Variants in AGAP1 observed in about 807,000 individuals in gnomAD.
The protein encoded by AGAP1 is ArfGAP with GTPase domain, ankyrin repeat and PH domain 1.
Under a neutral mutation model 105.3 loss-of-function variants are expected in AGAP1, and 29 were observed. The observed-to-expected ratio is 0.28, with a 90% CI of 0.21 to 0.38. AGAP1 has a LOEUF of 0.38. Among genes scored for constraint, AGAP1 ranks in the 10% least tolerant of loss-of-function variants. The pLI, the probability that AGAP1 is intolerant of heterozygous loss-of-function variation, is 1.00. For synonymous variants in AGAP1, 509 were observed against 485.9 expected (o/e 1.05, Z -0.63); for missense variants, 998 against 1,165.1 (o/e 0.86, Z 2.09).
Position 236,012,318 on chromosome 2 carries a change from T to C in AGAP1, c.1646-24243T>C, listed in dbSNP as rs2056542251. 1.3e-5 allele frequency among the ~76,000 whole-genome samples: 2 copies of C among 151,792 alleles called. No homozygotes were observed. Among genetic ancestry groups the C allele is most frequent in the Admixed American group, 1.3e-4 (2 of 15,274 alleles). ...GGGTGCCCAGCCTCCATTCTGCCTA[T>C]TTATATGTAAATATTGCTGCAAGAG... On this transcript the variant is annotated intron_variant, in intron 13 of 17. Coordinates refer to ENST00000304032, the MANE Select transcript of AGAP1 (RefSeq NM_001037131.3). The surrounding 1 kb of genome is among the most constrained non-coding windows in gnomAD (Gnocchi z 4.9).
chr2:235,581,239 A>G (rs965122475), intron 1 of AGAP1, among the ~76,000 whole-genome samples: 11 of 150,138 alleles, frequency 7.3e-5, no homozygotes, highest in Non-Finnish European at 1.2e-4. Flanking sequence ...CCTGGGAGGC[A>G]GAGGTTACAG....
At chr2:236,091,312 G>T (rs2059054294) in intron 16 of AGAP1, among the ~76,000 whole-genome samples, 1 of 152,152 alleles carries the variant, frequency 6.6e-6, no homozygotes. Context: ...AAATCCTGAG[G>T]GTCTCAACTG....
chr2:235,614,501 T>G lies in AGAP1; in HGVS notation c.164-94678T>G, dbSNP rs1946243674. ...GGGAGAGAAAAGGCAAGGAGAAACA[T>G]GGCGAGGGGTGGGGGCTTTGCTCTT... On this transcript the variant is annotated intron_variant, in intron 1 of 17. Transcript: ENST00000304032. The surrounding 1 kb of genome is among the most constrained non-coding windows in gnomAD (Gnocchi z 4.7). Among the ~76,000 whole-genome samples the G allele has an allele frequency of 6.6e-6, 1 of 151,908 alleles. No homozygotes were observed. Among genetic ancestry groups the G allele is most frequent in the African/African-American group, 2.4e-5 (1 of 41,358 alleles).
intron 8 of AGAP1, among the ~76,000 whole-genome samples, chr2:235,802,082 G>A (rs1957521314): frequency 6.6e-6 from 1 of 152,068 alleles, no homozygotes; most frequent in Non-Finnish European, 1.5e-5. Flanking sequence ...AATAAATATT[G>A]ACTTAACATC....
At chr2:235,694,517 A>G (rs909089770) in intron 1 of AGAP1, among the ~76,000 whole-genome samples, 23 of 149,716 alleles carry the variant, frequency 1.5e-4, no homozygotes, top group Non-Finnish European at 1.0e-4. Flanking sequence ...GCATGGTGGC[A>G]GTGCCCTGTA....
chr2:235,500,470 A>G (rs1481948709), intron 1 of AGAP1, among the ~76,000 whole-genome samples: 2 of 152,202 alleles, frequency 1.3e-5, no homozygotes, highest in Admixed American at 1.3e-4. Flanking sequence ...GCATAGCTGT[A>G]AAGGAAAGGC....
rs750337776 is a variant in AGAP1 at position 235,883,304 on chromosome 2, A to G, written c.1051-41A>G. The G allele has an allele frequency of 6.4e-7, 1 of 1,574,676 alleles. No homozygotes were observed. Among genetic ancestry groups the G allele is most frequent in the Non-Finnish European group, 8.7e-7 (1 of 1,149,754 alleles). On this transcript the variant is annotated intron_variant, in intron 9 of 17. Transcript: ENST00000304032. This position sits in a 1 kb window ranked among gnomAD's most constrained non-coding sequence, Gnocchi z 4.5. ...TGTGTACCTGCCTTTTCTTTTTTTT[A>G]TTTACATTAGAATTTCTATTTGGCT...
chr2:235,549,718 A>G lies in AGAP1; in HGVS notation c.163+54869A>G, dbSNP rs1865945. On this transcript the variant is annotated intron_variant, in intron 1 of 17. Coordinates refer to ENST00000304032, the MANE Select transcript of AGAP1 (RefSeq NM_001037131.3). The surrounding 1 kb of genome is among the most constrained non-coding windows in gnomAD (Gnocchi z 4.2). ...TGATACTTTACGAGCATTCACATGC[A>G]TTTAAGAGTGCTCTTAGCAGTTCGC... is the stretch of plus-strand genomic sequence containing the variant. 1 allele frequency among the ~76,000 whole-genome samples: 152,150 copies of G among 152,380 alleles called. 75,960 individuals are homozygous for G. The highest frequency in any genetic ancestry group is 1 in the Middle Eastern group (294 of 294).
chr2:236,040,076 AC>A lies in AGAP1; in HGVS notation c.1801-671del, dbSNP rs2057500709. On this transcript the variant is annotated intron_variant, in intron 14 of 17. Transcript: ENST00000304032. This position sits in a 1 kb window ranked among gnomAD's most constrained non-coding sequence, Gnocchi z 5.6. ...CAGTGAGCTATGATCACACCACTGC[AC>A]CCCAGCCTCAGCCACAGAGCGAGAC... Among the ~76,000 whole-genome samples the A allele has an allele frequency of 6.6e-6, 1 of 152,092 alleles. No individual in the cohort carries two copies. Among genetic ancestry groups the A allele is most frequent in the Non-Finnish European group, 1.5e-5 (1 of 68,020 alleles).
At chr2:235,770,282 G>A (rs1045285171) in intron 6 of AGAP1, among the ~76,000 whole-genome samples, 3 of 139,340 alleles carry the variant, frequency 2.2e-5, no homozygotes, top group African/African-American at 7.6e-5. Flanking sequence ...ACAGACGCAC[G>A]CCACCCCACG....
At chr2:235,803,342 AT>A (rs1172503544) in intron 8 of AGAP1, among the ~76,000 whole-genome samples, 2 of 152,220 alleles carry the variant, frequency 1.3e-5, no homozygotes, top group Non-Finnish European at 2.9e-5. Flanking sequence ...AAGATATTAA[AT>A]TTTTATCATG....
In AGAP1 at chr2:235,961,394, G is replaced by A. The variant is rs1348345013; in HGVS notation, c.1484-7068G>A. Among the ~76,000 whole-genome samples, 1 of 152,230 alleles carries A rather than the reference G, an allele frequency of 6.6e-6. No individual in the cohort carries two copies. The highest frequency in any genetic ancestry group is 2.4e-5 in the African/African-American group (1 of 41,464). On this transcript the variant is annotated intron_variant, in intron 12 of 17. Coordinates refer to ENST00000304032, the MANE Select transcript of AGAP1 (RefSeq NM_001037131.3). This position sits in a 1 kb window ranked among gnomAD's most constrained non-coding sequence, Gnocchi z 5.9. ...CTGTGTGGATGCTGCTGAGACTGGT[G>A]TGACTGCTTTGAGCCTTGTCCACTG...
At chr2:235,827,265 G>A (rs1028845713) in intron 9 of AGAP1, among the ~76,000 whole-genome samples, 1 of 152,170 alleles carries the variant, frequency 6.6e-6, no homozygotes, top group African/African-American at 2.4e-5. Context: ...GTGTTTGAGT[G>A]AAATTGATTC....
rs575825227 is a variant in AGAP1 at position 235,741,852 on chromosome 2, C to G, written c.396+804C>G. Among the ~76,000 whole-genome samples, 1 of 151,714 alleles carries G rather than the reference C, an allele frequency of 6.6e-6. No individual in the cohort carries two copies. Among genetic ancestry groups the G allele is most frequent in the Admixed American group, 6.6e-5 (1 of 15,220 alleles). On this transcript the variant is annotated intron_variant, in intron 4 of 17. Transcript: ENST00000304032. This position sits in a 1 kb window ranked among gnomAD's most constrained non-coding sequence, Gnocchi z 4.9. Reference sequence around the variant, plus strand: ...CACTACAAGCTCCACCTCCCAGGTTCAGGCCATTCTCCTGCCTCAGCCTCC... The same window carrying G: ...CACTACAAGCTCCACCTCCCAGGTTGAGGCCATTCTCCTGCCTCAGCCTCC...
rs1385600678 is a variant in AGAP1 at position 235,659,846 on chromosome 2, C to T, written c.164-49333C>T. The stretch of plus-strand genomic sequence containing the variant: ...CGAAATCTGGGGAACCAGCCAGCCA[C>T]CTCTGGTCCTGGGAGGGTCAGGGAC... On this transcript the variant is annotated intron_variant, in intron 1 of 17. Coordinates refer to ENST00000304032, the MANE Select transcript of AGAP1 (RefSeq NM_001037131.3). The surrounding 1 kb of genome is among the most constrained non-coding windows in gnomAD (Gnocchi z 5.0). 6.6e-6 allele frequency among the ~76,000 whole-genome samples: 1 copy of T among 152,240 alleles called. No individual in the cohort carries two copies. Among genetic ancestry groups the T allele is most frequent in the Non-Finnish European group, 1.5e-5 (1 of 68,044 alleles).
At position 235,744,487 on chromosome 2, in the gene AGAP1, A is replaced by C. The variant is rs910303595; in HGVS notation, c.397-211A>C. On this transcript the variant is annotated intron_variant, in intron 4 of 17. Coordinates refer to ENST00000304032, the MANE Select transcript of AGAP1 (RefSeq NM_001037131.3). The surrounding 1 kb of genome is among the most constrained non-coding windows in gnomAD (Gnocchi z 5.2). The stretch of plus-strand genomic sequence containing the variant: ...TGGGTGGGAACAGGATGAAGGGCCC[A>C]TTCCCAAGGGGAACACCAGGCATGG... Among the ~76,000 whole-genome samples, 1 of 152,168 alleles carries C rather than the reference A, an allele frequency of 6.6e-6. No homozygotes were observed. Among genetic ancestry groups the C allele is most frequent in the Non-Finnish European group, 1.5e-5 (1 of 68,032 alleles).
In AGAP1 at chr2:235,505,351, A is replaced by G. The variant is rs939364099; in HGVS notation, c.163+10502A>G. On this transcript the variant is annotated intron_variant, in intron 1 of 17. Transcript: ENST00000304032. ...GCCAGTGCTAAACAAGGCCAGAGCC[A>G]GGAAGGACACGCGGGGCCATGGATT... Among the ~76,000 whole-genome samples, 3 of 152,340 alleles carry G rather than the reference A, an allele frequency of 2.0e-5. No individual in the cohort carries two copies. In the East Asian group the frequency reaches 5.8e-4, roughly 29 times the overall value.
At position 235,994,440 on chromosome 2, in the gene AGAP1, T is replaced by G. The variant is rs2055700843; in HGVS notation, c.1645+25817T>G. The stretch of plus-strand genomic sequence containing the variant: ...ACAACTTTCTTAGTGCTTGTACTTG[T>G]GTGCCTCTTGGAGTTACTTGTTGAT... On this transcript the variant is annotated intron_variant, in intron 13 of 17. Transcript: ENST00000304032. This position sits in a 1 kb window ranked among gnomAD's most constrained non-coding sequence, Gnocchi z 4.4. Among the ~76,000 whole-genome samples the G allele has an allele frequency of 6.6e-6, 1 of 152,220 alleles. No individual in the cohort carries two copies. The highest frequency in any genetic ancestry group is 1.5e-5 in the Non-Finnish European group (1 of 68,040).
At chr2:235,704,962 CTTTTTTCTTTTTTTTTTTTTTTTTT>C (rs1950456011) in intron 1 of AGAP1, among the ~76,000 whole-genome samples, 1 of 86,010 alleles carries the variant, frequency 1.2e-5, no homozygotes, top group South Asian at 5.3e-4. Context: ...ATACAAGATG[CTTTTTTCTTTTTTTTTTTTTTTTTT>C]TTTTTTTTTG....
Sources: allele counts gnomAD v4.1 joint callset (sites outside exome capture counted in the v4.1 genomes callset), GRCh38; gene constraint gnomAD v4.1.1; non-coding constraint Gnocchi (gnomAD v3.1); transcripts MANE v1.5; gene names NCBI Gene and HGNC (gene_info 2026-07-23, HGNC 2026-07-21).